The following ADCK1 variants were observed in gnomAD, a reference collection of about 807,000 sequenced individuals.
ADCK1 encodes aarF domain containing kinase 1, also known as aarF domain-containing protein kinase 1.
A neutral mutation model predicts 52.3 loss-of-function variants in ADCK1; 41 were observed. The ratio of observed to expected loss-of-function variants is 0.78; its 90% confidence interval spans 0.61 to 1.02. The LOEUF (loss-of-function observed/expected upper bound fraction) is 1.02, where lower values mean the gene tolerates loss of function less well. Among genes scored for constraint, ADCK1 ranks in the 50% least tolerant of loss-of-function variants. The pLI, the probability that ADCK1 is intolerant of heterozygous loss-of-function variation, is 0.00. For missense variants in ADCK1, 658 were observed against 679.5 expected (o/e 0.97, Z 0.35); for synonymous variants, 250 against 274.6 (o/e 0.91, Z 0.89).
intron 7 of ADCK1, among the ~76,000 whole-genome samples, chr14:77,911,732 C>CTTT (rs572112070): frequency 3.6e-5 from 5 of 139,084 alleles, no homozygotes; most frequent in Non-Finnish European, 6.3e-5. Context: ...CCCCAGCTTT[C>CTTT]TTTTTTTTTT....
At chr14:77,908,121 G>T (rs1438786395) in intron 7 of ADCK1, 7 of 473,414 alleles carry the variant, frequency 1.5e-5, no homozygotes, top group African/African-American at 2.0e-5. Flanking sequence ...ACAGCGGCCT[G>T]CAGGGACATG....
intron 3 of ADCK1, among the ~76,000 whole-genome samples, chr14:77,836,453 T>C (rs1389038985): frequency 6.6e-6 from 1 of 152,234 alleles, no homozygotes. Context: ...GTTTTACAGA[T>C]GAAGAAACTG....
chr14:77,887,356 C>T, intron 5 of ADCK1, 107 bp downstream of exon 5: 1 of 1,274,414 alleles, frequency 7.8e-7, no homozygotes, highest in South Asian at 1.8e-5. Context: ...TGTGGCCCTT[C>T]AAGCAGCAGA....
At chr14:77,861,543 C>T (rs565631118) in intron 4 of ADCK1, among the ~76,000 whole-genome samples, 19 of 152,236 alleles carry the variant, frequency 1.2e-4, no homozygotes, top group East Asian at 7.7e-4. Context: ...AGCTCCATGC[C>T]AGCCCTAAGA....
chr14:77,819,730 C>A (rs2081540907), intron 2 of ADCK1, among the ~76,000 whole-genome samples: 1 of 152,216 alleles, frequency 6.6e-6, no homozygotes, highest in Non-Finnish European at 1.5e-5. Context: ...CAACAACTCT[C>A]CCAGACATTC....
At chr14:77,928,609 G>A (rs2084252294) in intron 9 of ADCK1, among the ~76,000 whole-genome samples, 2 of 151,956 alleles carry the variant, frequency 1.3e-5, no homozygotes, top group Admixed American at 6.6e-5. Flanking sequence ...TTACAGGCAT[G>A]TGCCACCACA....
At chr14:77,893,248 A>G (rs1288372082) in intron 5 of ADCK1, among the ~76,000 whole-genome samples, 2 of 152,166 alleles carry the variant, frequency 1.3e-5, no homozygotes, top group East Asian at 1.9e-4. Flanking sequence ...GGGTGAACTG[A>G]TGAAGCATAG....
At chr14:77,804,289 C>A (rs747819397) in intron 1 of ADCK1, among the ~76,000 whole-genome samples, 11 of 152,140 alleles carry the variant, frequency 7.2e-5, no homozygotes, top group Non-Finnish European at 1.5e-4. Context: ...TCACGCCTGA[C>A]AGGGTCTTTT....
intron 6 of ADCK1, chr14:77,900,672 G>A (rs1293408137): frequency 9.0e-6 from 4 of 445,254 alleles, no homozygotes; most frequent in East Asian, 7.0e-5. Flanking sequence ...CAGCGATGTC[G>A]AGGTGTGTTT....
chr14:77,820,493 G>T (rs1358233112), intron 2 of ADCK1, among the ~76,000 whole-genome samples: 1 of 151,620 alleles, frequency 6.6e-6, no homozygotes, highest in Admixed American at 6.6e-5. Context: ...ACCACACCTG[G>T]CCAATTTCTC....
chr14:77,870,493 T>G (rs1035252565), intron 4 of ADCK1, among the ~76,000 whole-genome samples: 2 of 152,200 alleles, frequency 1.3e-5, no homozygotes, highest in Non-Finnish European at 2.9e-5. Flanking sequence ...TTAGGCAAAG[T>G]GAGCTAATGG....
intron 4 of ADCK1, among the ~76,000 whole-genome samples, chr14:77,878,556 C>G (rs1248608225): frequency 1.3e-5 from 2 of 152,210 alleles, no homozygotes; most frequent in African/African-American, 2.4e-5. Context: ...CTGGTACCAC[C>G]TCTCTCAACT....
intron 4 of ADCK1, among the ~76,000 whole-genome samples, chr14:77,869,291 G>A (rs2082726506): frequency 6.6e-6 from 1 of 152,174 alleles, no homozygotes; most frequent in Admixed American, 6.5e-5. Flanking sequence ...CGCGAGGGAG[G>A]ATCTGTTCTA....
At chr14:77,823,433 CT>C (rs1160165383) in intron 3 of ADCK1, among the ~76,000 whole-genome samples, 5 of 152,068 alleles carry the variant, frequency 3.3e-5, no homozygotes, top group African/African-American at 1.2e-4. Flanking sequence ...TTTATTTAAA[CT>C]TTTTATTATG....
intron 4 of ADCK1, among the ~76,000 whole-genome samples, chr14:77,864,555 G>A (rs558371696): frequency 1.3e-5 from 2 of 152,252 alleles, no homozygotes; most frequent in South Asian, 4.1e-4. Flanking sequence ...CCAGGCTATG[G>A]CAGGTTGGCC....
chr14:77,856,521 C>T lies in ADCK1; in HGVS notation c.220-2555C>T, dbSNP rs1236611680. Reference sequence around the variant, plus strand: ...GGGGAGTCCCATGGATTCAGTGTGACATTGATACCTTTCTGCCTAGCTTGG... The same window carrying T: ...GGGGAGTCCCATGGATTCAGTGTGATATTGATACCTTTCTGCCTAGCTTGG... On this transcript the variant is annotated intron_variant, in intron 3 of 10. Coordinates refer to ENST00000238561, the MANE Select transcript of ADCK1 (RefSeq NM_020421.4). Among the ~76,000 whole-genome samples, 9 of 152,268 alleles carry T rather than the reference C, an allele frequency of 5.9e-5. No homozygotes were observed. In the East Asian group the frequency reaches 1.7e-3, roughly 29 times the overall value.
intron 4 of ADCK1, among the ~76,000 whole-genome samples, chr14:77,886,666 C>A (rs1439326906): frequency 6.6e-6 from 1 of 152,070 alleles, no homozygotes; most frequent in Non-Finnish European, 1.5e-5. Flanking sequence ...CAGTGGCTCA[C>A]GCCTGTAATC....
At chr14:77,832,577 C>T (rs568815971) in intron 3 of ADCK1, among the ~76,000 whole-genome samples, 5 of 152,278 alleles carry the variant, frequency 3.3e-5, no homozygotes, top group South Asian at 2.1e-4. Context: ...TGGGAAACAC[C>T]GGAGGAGGAA....
At chr14:77,825,555 A>C (rs1309115984) in intron 3 of ADCK1, among the ~76,000 whole-genome samples, 2 of 152,044 alleles carry the variant, frequency 1.3e-5, no homozygotes, top group Non-Finnish European at 2.9e-5. Context: ...TGTGCTGTGA[A>C]TCTCCATGTC....
Sources: allele counts gnomAD v4.1 joint callset (sites outside exome capture counted in the v4.1 genomes callset), GRCh38; gene constraint gnomAD v4.1.1; transcripts MANE v1.5; gene names NCBI Gene and HGNC (gene_info 2026-07-23, HGNC 2026-07-21).